CAPN9: variants seen among roughly 807,000 people sequenced by gnomAD.
CAPN9 encodes the protein calpain-9.
Under a neutral mutation model 92.8 loss-of-function variants are expected in CAPN9, and 81 were observed. That is an observed-to-expected ratio of 0.87 (90% CI 0.73 to 1.05). The LOEUF is 1.05. CAPN9 is among the 50% of genes least tolerant of loss of function. The pLI is 0.00. For missense variants in CAPN9, 848 were observed against 866.2 expected (o/e 0.98, Z 0.26); for synonymous variants, 304 against 328.0 (o/e 0.93, Z 0.79).
Position 230,767,641 on chromosome 1 carries a change from C to T in CAPN9, c.637C>T (p.Pro213Ser). The T allele has an allele frequency of 6.2e-7, 1 of 1,613,802 alleles. No individual in the cohort carries two copies. Among genetic ancestry groups the T allele is most frequent in the South Asian group, 1.1e-5 (1 of 91,032 alleles). The stretch of plus-strand genomic sequence containing the variant: ...AGAGACCTTCCAAACTAAAGAGGCC[C>T]CCGAGAACTTCTATGAGATTCTAGA... ...VAETFQTKEA[P>S]ENFYEILEKA... The change falls in exon 5 of 20, where the codon CCC becomes TCC. Residue 213 changes from proline to serine, a missense_variant. Pro to Ser is a moderately conservative substitution (Grantham distance 74, BLOSUM62 -1). Coordinates refer to ENST00000271971, the MANE Select transcript of CAPN9 (RefSeq NM_006615.3).
chr1:230,778,758 A>G (rs919014791), intron 8 of CAPN9, among the ~76,000 whole-genome samples: 1 of 152,158 alleles, frequency 6.6e-6, no homozygotes, highest in Non-Finnish European at 1.5e-5. Flanking sequence ...CTTAACATCT[A>G]CAATCAATCT....
intron 8 of CAPN9, among the ~76,000 whole-genome samples, chr1:230,777,828 C>T (rs1355399760): frequency 6.6e-6 from 1 of 152,146 alleles, no homozygotes; most frequent in African/African-American, 2.4e-5. Flanking sequence ...TCCTTCTCAA[C>T]ATCCTGTCCT....
chr1:230,785,601 G>A (rs1279432682), intron 11 of CAPN9, among the ~76,000 whole-genome samples: 1 of 152,156 alleles, frequency 6.6e-6, no homozygotes, highest in African/African-American at 2.4e-5. Context: ...TTCACCTTCT[G>A]CAATAATTGT....
At position 230,795,103 on chromosome 1, in the gene CAPN9, G is replaced by A. The variant is rs529368566; in HGVS notation, c.1871-60G>A. The A allele has an allele frequency of 9.5e-6, 10 of 1,056,730 alleles. No homozygotes were observed. In the African/African-American group the frequency reaches 1.2e-4, roughly 13 times the overall value. 65.5% of individuals were successfully genotyped at this position (1,056,730 alleles called of 1,614,324 possible). On this transcript the variant is annotated intron_variant, in intron 17 of 19. Coordinates refer to ENST00000271971, the MANE Select transcript of CAPN9 (RefSeq NM_006615.3). ...GCTGCCTGGGAGCTCCCTCAAAGGT[G>A]CAGACTCACCTCGGGGCTCGGATAC...
intron 17 of CAPN9, among the ~76,000 whole-genome samples, chr1:230,793,822 T>C (rs1351331195): frequency 6.6e-6 from 1 of 152,158 alleles, no homozygotes; most frequent in East Asian, 1.9e-4. Context: ...CCTGATTTTC[T>C]TAGGGGATGA....
intron 12 of CAPN9, among the ~76,000 whole-genome samples, chr1:230,786,750 G>A (rs983400474): frequency 7.0e-6 from 1 of 143,274 alleles, no homozygotes; most frequent in African/African-American, 2.7e-5. Flanking sequence ...CTTCTGAAGT[G>A]GGTAGACTTT....
intron 1 of CAPN9, chr1:230,752,589 C>A: frequency 4.0e-6 from 3 of 758,968 alleles, no homozygotes; most frequent in Non-Finnish European, 4.8e-6. Context: ...CTGCAGAAGG[C>A]TGGGGGAGGG....
rs911804389 is a variant in CAPN9 at position 230,759,458 on chromosome 1, C to A, written c.284-54C>A. The A allele has an allele frequency of 3.9e-6, 5 of 1,282,766 alleles. No homozygotes were observed. In the African/African-American group the frequency reaches 5.9e-5, roughly 15 times the overall value. 79.5% of individuals were successfully genotyped at this position (1,282,766 alleles called of 1,614,324 possible). A position where few individuals can be genotyped will look rare whatever the true frequency, so the allele number is the denominator to read the frequency against. On this transcript the variant is annotated intron_variant, in intron 2 of 19. Transcript: ENST00000271971. The stretch of plus-strand genomic sequence containing the variant: ...CATCCCCTTCTGACACAGAGTTTTC[C>A]TATTTGCTGTGAAATAGCAATGAAA...
chr1:230,791,061 T>C (rs546058651), intron 14 of CAPN9, among the ~76,000 whole-genome samples: 4 of 152,226 alleles, frequency 2.6e-5, no homozygotes, highest in African/African-American at 9.7e-5. Flanking sequence ...AATGTCTCAT[T>C]CCTTCTTACA....
chr1:230,757,056 GGAAGGAAGGAAA>G (rs767029210), intron 2 of CAPN9, among the ~76,000 whole-genome samples: 8,201 of 83,390 alleles, frequency 0.098, 408 homozygotes, highest in Middle Eastern at 0.14. Flanking sequence ...AAGGAAGGAA[GGAAGGAAGGAAA>G]GGAGAAAATA....
chr1:230,782,819 C>A (rs1667317700), intron 11 of CAPN9, among the ~76,000 whole-genome samples: 1 of 152,076 alleles, frequency 6.6e-6, no homozygotes, highest in East Asian at 1.9e-4. Flanking sequence ...GAGTTTGAGA[C>A]CAGCCTGGCC....
intron 3 of CAPN9, among the ~76,000 whole-genome samples, chr1:230,760,121 A>T (rs908883711): frequency 6.6e-6 from 1 of 152,152 alleles, no homozygotes. Flanking sequence ...CGAGGTGCAC[A>T]TCAGGAGAGG....
chr1:230,771,892 C>A, intron 6 of CAPN9, 122 bp from the exon 7 acceptor site: 1 of 768,298 alleles, frequency 1.3e-6, no homozygotes, highest in South Asian at 1.6e-5. Context: ...GCATTTTAGG[C>A]AAGAGACTTT....
In CAPN9 at chr1:230,790,188, G is replaced by T; in HGVS notation, c.1656G>T (p.Lys552Asn). The T allele has an allele frequency of 6.2e-7, 1 of 1,614,146 alleles. No homozygotes were observed. Among genetic ancestry groups the T allele is most frequent in the Non-Finnish European group, 8.5e-7 (1 of 1,180,006 alleles). ...LEYVLNAVLQ[K>N]KKDIKFKKLS... is the part of the protein sequence containing the mutation. ...ATGTTTTAAATGCTGTGCTGCAAAA[G>T]AGTAAGTGCCAACCCCATCGGGGTC... Residue 552 changes from lysine to asparagine, a missense_variant and splice_region_variant, in exon 14 of 20, where the codon AAG becomes AAT. Transcript: ENST00000271971.
chr1:230,750,384 T>A lies in CAPN9; in HGVS notation c.213+2675T>A, dbSNP rs184448252. 6.0e-3 allele frequency among the ~76,000 whole-genome samples: 920 copies of A among 152,346 alleles called. 6 individuals carry two copies. The highest frequency in any genetic ancestry group is 0.011 in the South Asian group (53 of 4,822). ...TTTTCCTTTGTCTGCAACTGAAGAT[T>A]GTCCCTTTGGTCTGGTCCTCATTCT... On this transcript the variant is annotated intron_variant, in intron 1 of 19. Coordinates refer to ENST00000271971, the MANE Select transcript of CAPN9 (RefSeq NM_006615.3).
rs1041255236 is a variant in CAPN9, at chr1:230,793,076, T to G, written c.1870+148T>G. The G allele has an allele frequency of 4.6e-6, 3 of 654,710 alleles. No homozygotes were observed. In the Admixed American group the frequency reaches 7.9e-5, roughly 17 times the overall value. 40.6% of individuals were successfully genotyped at this position (654,710 alleles called of 1,614,324 possible). Reference sequence around the variant, plus strand: ...ATTCTTAAGGTCACGGCCCTTGGAGTGGTGGCACCAGGGTTCAGACCCAGG... The same window carrying G: ...ATTCTTAAGGTCACGGCCCTTGGAGGGGTGGCACCAGGGTTCAGACCCAGG... On this transcript the variant is annotated intron_variant, in intron 17 of 19. Transcript: ENST00000271971.
chr1:230,758,360 G>C (rs1665391820), intron 2 of CAPN9, among the ~76,000 whole-genome samples: 1 of 152,088 alleles, frequency 6.6e-6, no homozygotes, highest in African/African-American at 2.4e-5. Flanking sequence ...AGAGGCACTT[G>C]GTAAAGTTTG....
intron 19 of CAPN9, among the ~76,000 whole-genome samples, chr1:230,799,729 T>C (rs940344548): frequency 1.3e-4 from 20 of 152,340 alleles, no homozygotes; most frequent in African/African-American, 4.8e-4. Context: ...ACACAAATTA[T>C]TCTTTTATGA....
At chr1:230,774,884 G>A (rs183574330) in intron 8 of CAPN9, among the ~76,000 whole-genome samples, 110 of 151,940 alleles carry the variant, frequency 7.2e-4, no homozygotes, top group South Asian at 1.2e-3. Context: ...TGAGAGTACA[G>A]GCATGCGCCA....
Sources: allele counts gnomAD v4.1 joint callset (sites outside exome capture counted in the v4.1 genomes callset), GRCh38; gene constraint gnomAD v4.1.1; transcripts MANE v1.5; gene names NCBI Gene and HGNC (gene_info 2026-07-23, HGNC 2026-07-21).